Variants in SCUBE1 observed in about 807,000 individuals in gnomAD.
The protein encoded by SCUBE1 is signal peptide, CUB domain and EGF like domain containing 1, also known as signal peptide, CUB and EGF-like domain-containing protein 1.
SCUBE1 carries 59 observed loss-of-function variants against 124.4 expected under a neutral mutation model. That is an observed-to-expected ratio of 0.47 (90% CI 0.38 to 0.59). The LOEUF (loss-of-function observed/expected upper bound fraction) is 0.59. Among genes scored for constraint, SCUBE1 ranks in the 20% least tolerant of loss-of-function variants. The pLI, the probability that SCUBE1 is intolerant of heterozygous loss-of-function variation, is 0.00. For missense variants in SCUBE1, 1,150 were observed against 1,371.2 expected (o/e 0.84, Z 2.55); for synonymous variants, 545 against 550.9 (o/e 0.99, Z 0.15).
rs1010941856 is a variant in SCUBE1, at chr22:43,198,840, C to T, written c.*5157G>A. On this transcript the variant is annotated 3_prime_UTR_variant, in exon 22 of 22. Coordinates refer to ENST00000360835, the MANE Select transcript of SCUBE1 (RefSeq NM_173050.5). Reference sequence around the variant, plus strand: ...CTGGGGCAGGGTGTCTGTCTATCTGCTGTCTGGGGAAGTGTGTCTGTCTGT... The same window carrying T: ...CTGGGGCAGGGTGTCTGTCTATCTGTTGTCTGGGGAAGTGTGTCTGTCTGT... 7 of 409,572 alleles carry T rather than the reference C, an allele frequency of 1.7e-5. No homozygotes were observed. The highest frequency in any genetic ancestry group is 2.0e-5 in the African/African-American group (1 of 49,104). The allele number at this position is 409,572 out of a possible 1,614,324, so 25.4% of individuals were successfully genotyped here.
chr22:43,339,299 T>C, intron 1 of SCUBE1, 64 bp from the exon 2 acceptor site: 1 of 1,540,492 alleles, frequency 6.5e-7, no homozygotes, highest in Non-Finnish European at 8.9e-7. Context: ...TGGCCGATAG[T>C]GTAGGGCAGG....
rs972354240 is a variant in SCUBE1, at chr22:43,198,671, G to T, written c.*5326C>A. 4 of 456,612 alleles carry T rather than the reference G, an allele frequency of 8.8e-6. No homozygotes were observed. Among genetic ancestry groups the T allele is most frequent in the African/African-American group, 8.0e-5 (4 of 50,082 alleles). The allele number at this position is 456,612 out of a possible 1,614,324, so 28.3% of individuals were successfully genotyped here. ...GGGACCTCAATGTCAGGTGCAGTTT[G>T]CCAGGGTGACCAGACTTCCTGAGCA... On this transcript the variant is annotated 3_prime_UTR_variant, in exon 22 of 22. Coordinates refer to ENST00000360835, the MANE Select transcript of SCUBE1 (RefSeq NM_173050.5).
At chr22:43,336,606 T>G (rs1193685304) in intron 2 of SCUBE1, among the ~76,000 whole-genome samples, 1 of 152,182 alleles carries the variant, frequency 6.6e-6, no homozygotes, top group Non-Finnish European at 1.5e-5. Flanking sequence ...AGCAAGCTTA[T>G]GGTGGGCCCT....
intron 8 of SCUBE1, among the ~76,000 whole-genome samples, chr22:43,229,614 C>T (rs1462392803): frequency 6.6e-6 from 1 of 152,130 alleles, no homozygotes. Context: ...CTCTTGGATG[C>T]TGACCAAAGC....
At chr22:43,299,819 T>C (rs1925700053) in intron 3 of SCUBE1, among the ~76,000 whole-genome samples, 1 of 152,182 alleles carries the variant, frequency 6.6e-6, no homozygotes, top group Admixed American at 6.5e-5. Context: ...GGAAACCACA[T>C]GTCTACTTTC....
intron 3 of SCUBE1, among the ~76,000 whole-genome samples, chr22:43,313,384 C>T (rs552468816): frequency 2.6e-5 from 4 of 152,108 alleles, no homozygotes; most frequent in African/African-American, 7.2e-5. Context: ...AGGTAAAGAT[C>T]GGGGTCGAAG....
In SCUBE1 at chr22:43,211,916, C is replaced by G. The variant is rs920005616; in HGVS notation, c.2221+509G>C. On this transcript the variant is annotated intron_variant, in intron 17 of 21. Transcript: ENST00000360835. The surrounding 1 kb of genome is among the most constrained non-coding windows in gnomAD (Gnocchi z 4.5). Reference sequence around the variant, plus strand: ...CTCCAGGGGGCTGAGAGCCAGGCCACCTGGACAGACAGACAGACACTGAGA... The same window carrying G: ...CTCCAGGGGGCTGAGAGCCAGGCCAGCTGGACAGACAGACAGACACTGAGA... Among the ~76,000 whole-genome samples the G allele has an allele frequency of 2.0e-5, 3 of 152,052 alleles. No individual in the cohort carries two copies. Among genetic ancestry groups the G allele is most frequent in the Admixed American group, 6.5e-5 (1 of 15,272 alleles).
intron 6 of SCUBE1, among the ~76,000 whole-genome samples, chr22:43,244,589 G>A (rs1020492061): frequency 1.3e-5 from 2 of 152,242 alleles, no homozygotes; most frequent in Non-Finnish European, 2.9e-5. Context: ...AGGCAGTGTG[G>A]TGCTGCGCTG....
intron 21 of SCUBE1, among the ~76,000 whole-genome samples, chr22:43,204,413 C>T (rs1277438150): frequency 6.6e-6 from 1 of 152,060 alleles, no homozygotes; most frequent in South Asian, 2.1e-4. Context: ...ATTCTGCTGC[C>T]TCAGCCTCTC....
chr22:43,249,763 A>T (rs1212933929), intron 6 of SCUBE1, among the ~76,000 whole-genome samples: 1 of 152,246 alleles, frequency 6.6e-6, no homozygotes, highest in East Asian at 1.9e-4. Flanking sequence ...CCAGCAGGAC[A>T]GTGGGCCCTG....
At chr22:43,208,570 G>C (rs117074253) in intron 19 of SCUBE1, among the ~76,000 whole-genome samples, 1 of 152,098 alleles carries the variant, frequency 6.6e-6, no homozygotes, top group African/African-American at 2.4e-5. Context: ...ACTGCTCCTC[G>C]GTGACAGGGC....
intron 2 of SCUBE1, among the ~76,000 whole-genome samples, chr22:43,330,732 T>A (rs182997377): frequency 6.6e-6 from 1 of 152,332 alleles, no homozygotes; most frequent in African/African-American, 2.4e-5. Context: ...GGTCATTGGC[T>A]CCAAGAACTC....
rs1361437586 is a variant in SCUBE1, at chr22:43,258,558, G to C, written c.611-223C>G. ...ACTCCCTAGAGCTGAACGGGGGTGG[G>C]ACAGAATGGACTTGGGGTCGTCTGG... On this transcript the variant is annotated intron_variant, in intron 5 of 21. Coordinates refer to ENST00000360835, the MANE Select transcript of SCUBE1 (RefSeq NM_173050.5). The surrounding 1 kb of genome is among the most constrained non-coding windows in gnomAD (Gnocchi z 5.0). Among the ~76,000 whole-genome samples, 1 of 152,190 alleles carries C rather than the reference G, an allele frequency of 6.6e-6. No individual in the cohort carries two copies. Among genetic ancestry groups the C allele is most frequent in the East Asian group, 1.9e-4 (1 of 5,196 alleles).
At chr22:43,265,380 G>A (rs1394947661) in intron 4 of SCUBE1, among the ~76,000 whole-genome samples, 1 of 152,210 alleles carries the variant, frequency 6.6e-6, no homozygotes, top group African/African-American at 2.4e-5. Flanking sequence ...GAATCGCAGA[G>A]CTGGGAAGGG....
At chr22:43,291,618 C>A (rs1034455227) in intron 3 of SCUBE1, among the ~76,000 whole-genome samples, 1 of 151,652 alleles carries the variant, frequency 6.6e-6, no homozygotes, top group Non-Finnish European at 1.5e-5. Flanking sequence ...CGCTGCGCTA[C>A]AGTGGCATGG....
At chr22:43,231,015 C>G (rs872860) in intron 8 of SCUBE1, among the ~76,000 whole-genome samples, 8,345 of 152,272 alleles carry the variant, frequency 0.055, 707 homozygotes, top group African/African-American at 0.18. Flanking sequence ...AGCCCCTGCC[C>G]TGCTACATGG....
chr22:43,279,180 T>C (rs1268320904), intron 4 of SCUBE1, among the ~76,000 whole-genome samples: 1 of 152,196 alleles, frequency 6.6e-6, no homozygotes, highest in Non-Finnish European at 1.5e-5. Context: ...GTCTCTGCTC[T>C]GGCTCAACCC....
At chr22:43,315,313 G>C (rs938116451) in intron 3 of SCUBE1, among the ~76,000 whole-genome samples, 3 of 151,844 alleles carry the variant, frequency 2.0e-5, no homozygotes, top group Non-Finnish European at 4.4e-5. Flanking sequence ...TGGTGGGCTA[G>C]AGGAACAGGT....
chr22:43,260,702 C>T (rs1233345423), intron 5 of SCUBE1, among the ~76,000 whole-genome samples: 1 of 152,256 alleles, frequency 6.6e-6, no homozygotes, highest in African/African-American at 2.4e-5. Flanking sequence ...TCACATCGGG[C>T]TCTCCATACC....
Sources: gnomAD v4.1 joint callset for allele counts (sites outside exome capture counted in the v4.1 genomes callset) on GRCh38, gnomAD v4.1.1 for gene constraint, Gnocchi (gnomAD v3.1) non-coding constraint, MANE v1.5 for transcripts, NCBI Gene and HGNC (gene_info 2026-07-23, HGNC 2026-07-21) for gene names.